The following MICAL3 variants were observed in gnomAD, a reference collection of about 807,000 sequenced individuals.
The protein encoded by MICAL3 is microtubule associated monooxygenase, calponin and LIM domain containing 3.
Under a neutral mutation model 207.4 loss-of-function variants are expected in MICAL3, and 62 were observed. That is an observed-to-expected ratio of 0.30 (90% confidence interval 0.24 to 0.37). The LOEUF (loss-of-function observed/expected upper bound fraction) is 0.37. Ranked by LOEUF, MICAL3 falls within the 10% of genes least tolerant of loss-of-function variation. The pLI, the probability that MICAL3 is intolerant of heterozygous loss-of-function variation, is 1.00. For missense variants in MICAL3, 2,368 were observed against 2,635.6 expected (o/e 0.90, Z 2.22); for synonymous variants, 1,077 against 1,069.3 (o/e 1.01, Z -0.14).
chr22:18,011,878 C>A (rs34917269), intron 1 of MICAL3, among the ~76,000 whole-genome samples: 1 of 150,250 alleles, frequency 6.7e-6, no homozygotes, highest in Non-Finnish European at 1.5e-5. Flanking sequence ...GGCGACGGAG[C>A]GAGACTCTGT....
chr22:17,891,735 G>C, intron 11 of MICAL3, 103 bp from the exon 12 acceptor site: 1 of 1,122,224 alleles, frequency 8.9e-7, no homozygotes, highest in African/African-American at 1.5e-5. Flanking sequence ...AATTACTGAG[G>C]GTAGGGACGA....
At position 17,872,049 on chromosome 22, in the gene MICAL3, A is replaced by C. The variant is rs1022140261; in HGVS notation, c.2242-26T>G. On this transcript the variant is annotated intron_variant, in intron 16 of 31. Transcript: ENST00000441493. ...CTGCAGGAGGTGGCGGTCGGGAGGA[A>C]GGGGAGCACCTCAGGGAGTGCCACA... is the stretch of plus-strand genomic sequence containing the variant. The C allele has an allele frequency of 3.8e-6, 6 of 1,573,870 alleles. No homozygotes were observed. The East Asian group carries it at 1.2e-4, about 30-fold the overall frequency.
chr22:18,022,966 C>T (rs1197157576), intron 1 of MICAL3, among the ~76,000 whole-genome samples: 4 of 152,182 alleles, frequency 2.6e-5, no homozygotes, highest in East Asian at 1.9e-4. Flanking sequence ...ATCCCTCCCT[C>T]GTTTGAGACA....
intron 21 of MICAL3, among the ~76,000 whole-genome samples, chr22:17,829,165 C>CTTT (rs11345969): frequency 7.8e-6 from 1 of 127,612 alleles, no homozygotes; most frequent in African/African-American, 2.9e-5. Context: ...GTGAATTTGC[C>CTTT]TTTTTTTTTT....
rs1208997254 is a variant in MICAL3, at chr22:17,816,742, T to A, written c.5393A>T (p.Asp1798Val). 5.8e-6 allele frequency: 9 copies of A among 1,552,066 alleles called. No homozygotes were observed. Among genetic ancestry groups the A allele is most frequent in the Non-Finnish European group, 7.8e-6 (9 of 1,147,610 alleles). Residue 1798 changes from aspartate (D) to valine (V), a missense_variant, in exon 27 of 32, where the codon GAC becomes GTC. Physicochemically the swap from Asp to Val is radical, Grantham distance 152 (BLOSUM62 -3). This residue lies in a region of MICAL3 where 1,770 missense variants were observed against 1,863.2 expected (regional missense o/e 0.95). Transcript: ENST00000441493. The stretch of plus-strand genomic sequence containing the variant: ...CTCAAGGACATCGTCGCTGGAGAGG[T>A]CTGAGTCCTCGGAGAAGCTCAGCTG... ...RRQLSFSEDS[D>V]LSSDDVLEKS...
At chr22:17,852,546 G>A (rs1233024740) in intron 19 of MICAL3, among the ~76,000 whole-genome samples, 1 of 152,204 alleles carries the variant, frequency 6.6e-6, no homozygotes, top group Non-Finnish European at 1.5e-5. Flanking sequence ...TACAGCATCA[G>A]CAGCAGCTGA....
At chr22:17,992,638 A>T (rs943692805) in intron 1 of MICAL3, among the ~76,000 whole-genome samples, 1 of 152,116 alleles carries the variant, frequency 6.6e-6, no homozygotes, top group African/African-American at 2.4e-5. Context: ...AGGGTGGTTG[A>T]GGCCCAGGGG....
At chr22:17,946,439 A>G (rs1449854094) in intron 1 of MICAL3, among the ~76,000 whole-genome samples, 1 of 152,226 alleles carries the variant, frequency 6.6e-6, no homozygotes, top group Non-Finnish European at 1.5e-5. Context: ...GAGTTCTTTC[A>G]TTTAGTGTAG....
At chr22:17,920,587 T>A (rs543100262) in intron 1 of MICAL3, among the ~76,000 whole-genome samples, 5 of 152,180 alleles carry the variant, frequency 3.3e-5, no homozygotes, top group African/African-American at 1.2e-4. Flanking sequence ...GCCTCCAGTC[T>A]CTCAGCTGCA....
intron 1 of MICAL3, among the ~76,000 whole-genome samples, chr22:17,953,487 T>C (rs976331911): frequency 6.6e-6 from 1 of 152,058 alleles, no homozygotes; most frequent in African/African-American, 2.4e-5. Flanking sequence ...TGGGGGAATG[T>C]CCAAGCCCCC....
At position 17,796,548 on chromosome 22, in the gene MICAL3, C is replaced by G. The variant is rs1390296286; in HGVS notation, c.5651-5247G>C. Reference sequence around the variant, plus strand: ...GAGCCTGGAAAAGAAGCCAAATCTTCTTGCCCACTCTGAACTCAGAGCTTT... The same window carrying G: ...GAGCCTGGAAAAGAAGCCAAATCTTGTTGCCCACTCTGAACTCAGAGCTTT... On this transcript the variant is annotated intron_variant, in intron 29 of 31. Transcript: ENST00000441493. The surrounding 1 kb of genome is among the most constrained non-coding windows in gnomAD (Gnocchi z 4.4). Among the ~76,000 whole-genome samples the G allele has an allele frequency of 6.6e-6, 1 of 152,238 alleles. No homozygotes were observed. The highest frequency in any genetic ancestry group is 1.9e-4 in the East Asian group (1 of 5,196).
At chr22:17,926,423 A>G (rs542330845) in intron 1 of MICAL3, among the ~76,000 whole-genome samples, 1 of 152,276 alleles carries the variant, frequency 6.6e-6, no homozygotes, top group African/African-American at 2.4e-5. Context: ...CCGGCTTTTT[A>G]TGCCACTTTC....
rs149784606 is a variant in MICAL3 at position 17,849,160 on chromosome 22, C to T, written c.2606-7143G>A. On this transcript the variant is annotated intron_variant, in intron 19 of 31. Transcript: ENST00000441493. ...GTGTTTGTTGAGCGACTACCTGTGC[C>T]GGGCACGACGACAGGCAGGCTCTAC... Among the ~76,000 whole-genome samples the T allele has an allele frequency of 1.9e-3, 287 of 151,970 alleles. 1 individual carries two copies. The highest frequency in any genetic ancestry group is 6.3e-3 in the African/African-American group (262 of 41,430).
chr22:17,869,974 A>G (rs1416803421), intron 17 of MICAL3, among the ~76,000 whole-genome samples: 1 of 152,152 alleles, frequency 6.6e-6, no homozygotes, highest in African/African-American at 2.4e-5. Context: ...GACTTCTGAG[A>G]CACTTGGCAA....
At position 17,931,800 on chromosome 22, in the gene MICAL3, A is replaced by G. The variant is rs138651222; in HGVS notation, c.-74-24914T>C. Reference sequence around the variant, plus strand: ...CGCAGCTTTGCATGAGAAGATACCAATGAGGTGTGCACCTGAGCATCCCCA... The same window carrying G: ...CGCAGCTTTGCATGAGAAGATACCAGTGAGGTGTGCACCTGAGCATCCCCA... On this transcript the variant is annotated intron_variant, in intron 1 of 31. Transcript: ENST00000441493. 4.6e-3 allele frequency among the ~76,000 whole-genome samples: 707 copies of G among 152,314 alleles called. 5 individuals are homozygous for G. Among genetic ancestry groups the G allele is most frequent in the Non-Finnish European group, 7.4e-3 (504 of 68,022 alleles).
At chr22:17,910,355 G>A (rs1022446622) in intron 1 of MICAL3, among the ~76,000 whole-genome samples, 5 of 152,128 alleles carry the variant, frequency 3.3e-5, no homozygotes, top group South Asian at 2.1e-4. Context: ...GCTGCTAACC[G>A]CCACAAAGAA....
chr22:17,808,674 G>A (rs1175801069), intron 29 of MICAL3, among the ~76,000 whole-genome samples, 170 bp downstream of exon 29: 1 of 152,186 alleles, frequency 6.6e-6, no homozygotes, highest in Non-Finnish European at 1.5e-5. Flanking sequence ...GTCTCAGACA[G>A]GTATTTTCTT....
At chr22:17,888,704 G>C (rs1213451431) in intron 13 of MICAL3, among the ~76,000 whole-genome samples, 2 of 152,214 alleles carry the variant, frequency 1.3e-5, no homozygotes, top group African/African-American at 2.4e-5. Context: ...TGCAGAAGCA[G>C]AGGCCACAAG....
At chr22:17,857,421 C>T (rs1395400934) in intron 19 of MICAL3, among the ~76,000 whole-genome samples, 1 of 152,248 alleles carries the variant, frequency 6.6e-6, no homozygotes, top group Non-Finnish European at 1.5e-5. Context: ...CCACTGCCCA[C>T]CCCAGTCTGT....
Sources: gnomAD v4.1 joint callset for allele counts (sites outside exome capture counted in the v4.1 genomes callset) on GRCh38, gnomAD v4.1.1 for gene constraint, gnomAD v4.1.1 regional missense constraint, Gnocchi (gnomAD v3.1) non-coding constraint, MANE v1.5 for transcripts, NCBI Gene and HGNC (gene_info 2026-07-23, HGNC 2026-07-21) for gene names.